Variants in WDR64 observed in about 807,000 individuals in gnomAD.
The protein encoded by WDR64 is WD repeat-containing protein 64.
WDR64 carries 112 observed loss-of-function variants against 139.3 expected under a neutral mutation model. The observed-to-expected ratio is 0.80, with a 90% CI of 0.69 to 0.94. The LOEUF is 0.94. Among genes scored for constraint, WDR64 ranks in the 40% least tolerant of loss-of-function variants. WDR64 has a pLI of 0.00. For missense variants in WDR64, 1,206 were observed against 1,293.1 expected, an observed-to-expected ratio of 0.93 and a Z score of 1.03; for synonymous variants, 444 against 437.7, an observed-to-expected ratio of 1.01 and a Z score of -0.18.
intron 8 of WDR64, among the ~76,000 whole-genome samples, chr1:241,707,813 G>A (rs1418942184): frequency 6.6e-6 from 1 of 152,198 alleles, no homozygotes; most frequent in African/African-American, 2.4e-5. Context: ...AAACTATTTA[G>A]GTCATAGTCA....
At chr1:241,675,007 T>G in intron 4 of WDR64, among the ~76,000 whole-genome samples, 1 of 32,118 alleles carries the variant, frequency 3.1e-5, no homozygotes, top group Non-Finnish European at 8.5e-5. Context: ...CTCCCTCTCT[T>G]CCTTCCTTTC....
At chr1:241,738,250 AC>A in intron 10 of WDR64, 112 bp from the exon 11 acceptor site, 2 of 1,283,390 alleles carry the variant, frequency 1.6e-6, no homozygotes, top group Non-Finnish European at 2.1e-6. Context: ...TATAAGTAAT[AC>A]TTTGGTATAA....
At chr1:241,735,533 C>CTCT (rs1553373537) in intron 10 of WDR64, among the ~76,000 whole-genome samples, 6 of 103,516 alleles carry the variant, frequency 5.8e-5, no homozygotes, top group East Asian at 2.9e-4. Flanking sequence ...CTCTCTCTCT[C>CTCT]TTTTTTTTTT....
chr1:241,660,733 A>G lies in WDR64; in HGVS notation c.276+73A>G, dbSNP rs550383373. ...TAAGTTTGGAATAAATAATTAAAAC[A>G]AAGTGTTACTGCCACAGGGGTTGAA... is the stretch of plus-strand genomic sequence containing the variant. On this transcript the variant is annotated intron_variant, in intron 2 of 27. Coordinates refer to ENST00000437684, the MANE Select transcript of WDR64 (RefSeq NM_001367482.1). The G allele has an allele frequency of 2.1e-5, 32 of 1,504,800 alleles. No homozygotes were observed. The South Asian group carries it at 3.2e-4, about 15-fold the overall frequency. The allele number at this position is 1,504,800 out of a possible 1,614,324, so 93.2% of individuals were successfully genotyped here.
chr1:241,701,475 T>C (rs1022010902), intron 8 of WDR64, among the ~76,000 whole-genome samples: 2 of 152,256 alleles, frequency 1.3e-5, no homozygotes, highest in African/African-American at 2.4e-5. Flanking sequence ...ACTTAGATTA[T>C]CTAGAAGGTT....
chr1:241,728,313 A>G (rs1668929790), intron 10 of WDR64, among the ~76,000 whole-genome samples: 1 of 151,680 alleles, frequency 6.6e-6, no homozygotes, highest in Non-Finnish European at 1.5e-5. Flanking sequence ...AGCCTGGGCA[A>G]TAGAGCGAGA....
At chr1:241,660,854 G>A (rs1305626627) in intron 2 of WDR64, among the ~76,000 whole-genome samples, 194 bp downstream of exon 2, 2 of 152,190 alleles carry the variant, frequency 1.3e-5, no homozygotes, top group Non-Finnish European at 2.9e-5. Flanking sequence ...CTATTTAGCT[G>A]TATTATTAAT....
At chr1:241,696,265 G>T (rs1667483629) in intron 8 of WDR64, among the ~76,000 whole-genome samples, 2 of 150,572 alleles carry the variant, frequency 1.3e-5, no homozygotes, top group Admixed American at 1.3e-4. Context: ...ATCAGCTCTT[G>T]AACACTCTAA....
intron 16 of WDR64, among the ~76,000 whole-genome samples, chr1:241,768,352 C>T (rs10926569): frequency 0.52 from 78,367 of 152,040 alleles, 22,397 homozygotes; most frequent in Middle Eastern, 0.67. Flanking sequence ...TTTAAAAGTT[C>T]TGAAACTGAA....
At chr1:241,783,229 CA>C (rs1176832353) in intron 22 of WDR64, 42 bp from the exon 23 acceptor site, 1 of 1,504,870 alleles carries the variant, frequency 6.6e-7, no homozygotes, top group East Asian at 2.3e-5. Context: ...TTTTTACTAG[CA>C]TATAGTTATT....
At chr1:241,658,666 T>C (rs1665704918) in intron 1 of WDR64, among the ~76,000 whole-genome samples, 1 of 150,180 alleles carries the variant, frequency 6.7e-6, no homozygotes, top group South Asian at 2.1e-4. Flanking sequence ...AAAGAATTGC[T>C]GTTTGCTCAC....
At chr1:241,798,450 C>A (rs867589648) in intron 27 of WDR64, among the ~76,000 whole-genome samples, 6 of 152,106 alleles carry the variant, frequency 3.9e-5, no homozygotes, top group Admixed American at 2.0e-4. Flanking sequence ...ATTAAAGCAC[C>A]ACTATGTTAA....
intron 5 of WDR64, among the ~76,000 whole-genome samples, chr1:241,679,031 C>A (rs1383399804): frequency 6.6e-6 from 1 of 152,076 alleles, no homozygotes; most frequent in Non-Finnish European, 1.5e-5. Context: ...AGCTTGGTGT[C>A]TTTAGGTAGG....
At chr1:241,779,687 G>A (rs559160205) in intron 21 of WDR64, among the ~76,000 whole-genome samples, 8 of 151,944 alleles carry the variant, frequency 5.3e-5, no homozygotes, top group African/African-American at 7.3e-5. Context: ...AAAATTAGCC[G>A]GGCGTGGTGG....
chr1:241,754,117 A>G (rs1670080733), intron 14 of WDR64, among the ~76,000 whole-genome samples: 1 of 152,144 alleles, frequency 6.6e-6, no homozygotes, highest in African/African-American at 2.4e-5. Context: ...GATGGCTCGC[A>G]GACACATGAA....
intron 8 of WDR64, among the ~76,000 whole-genome samples, chr1:241,710,507 C>A (rs190303387): frequency 0.014 from 1,381 of 99,508 alleles, 13 homozygotes; most frequent in African/African-American, 0.051. Flanking sequence ...AGACAAAAGA[C>A]AGAGTTTCAC....
At chr1:241,692,996 G>C (rs768600385) in intron 8 of WDR64, among the ~76,000 whole-genome samples, 1 of 152,102 alleles carries the variant, frequency 6.6e-6, no homozygotes, top group African/African-American at 2.4e-5. Context: ...TTAGAATTCC[G>C]CTTGACCGTT....
Position 241,749,612 on chromosome 1 carries a change from T to C in WDR64, c.1660T>C (p.Trp554Arg), listed in dbSNP as rs778058275. The C allele has an allele frequency of 1.9e-6, 3 of 1,613,912 alleles. No homozygotes were observed. The highest frequency in any genetic ancestry group is 2.2e-5 in the East Asian group (1 of 44,888). Residue 554 changes from tryptophan (W) to arginine (R), a missense_variant, in exon 14 of 28, where the codon TGG (tryptophan) becomes CGG (arginine). Coordinates refer to ENST00000437684, the MANE Select transcript of WDR64 (RefSeq NM_001367482.1). ...EMKVLPEGKD[W>R]KEDEHCLRRL... is the part of the protein sequence containing the mutation. ...GAAGGTGTTGCCGGAGGGGAAAGAC[T>C]GGAAGGAGGACGAGCACTGCCTACG...
chr1:241,687,795 A>G (rs1667066463), intron 8 of WDR64, among the ~76,000 whole-genome samples, 200 bp downstream of exon 8: 1 of 152,234 alleles, frequency 6.6e-6, no homozygotes, highest in Non-Finnish European at 1.5e-5. Context: ...ACGTGTCCTA[A>G]CATCAACTGT....
Sources: allele counts gnomAD v4.1 joint callset (sites outside exome capture counted in the v4.1 genomes callset), GRCh38; gene constraint gnomAD v4.1.1; transcripts MANE v1.5; gene names NCBI Gene and HGNC (gene_info 2026-07-23, HGNC 2026-07-21).